The following DIAPH1 variants were observed in gnomAD, a reference collection of about 807,000 sequenced individuals.
DIAPH1 encodes the protein diaphanous related formin 1.
A neutral mutation model predicts 140.7 loss-of-function variants in DIAPH1; 46 were observed. The observed-to-expected ratio is 0.33, with a 90% CI of 0.26 to 0.42. DIAPH1 has a LOEUF of 0.42. Ranked by LOEUF, DIAPH1 falls within the 10% of genes least tolerant of loss-of-function variation. DIAPH1 has a pLI of 1.00. For missense variants in DIAPH1, 1,310 were observed against 1,558.7 expected (o/e 0.84, Z 2.69); for synonymous variants, 565 against 551.6 (o/e 1.02, Z -0.34).
Position 141,540,427 on chromosome 5 carries a change from C to T in DIAPH1, c.2483-5994G>A, listed in dbSNP as rs151204700. 7.6e-3 allele frequency among the ~76,000 whole-genome samples: 1,154 copies of T among 152,126 alleles called. 19 individuals carry two copies. Among genetic ancestry groups the T allele is most frequent in the African/African-American group, 0.026 (1,094 of 41,526 alleles). ...CCTCCCAAGTAGCTGGGACTACAGGCGCCTGCCACACGCCCAGCTAATTTT... is the reference window on the plus strand; with the variant it reads ...CCTCCCAAGTAGCTGGGACTACAGGTGCCTGCCACACGCCCAGCTAATTTT... On this transcript the variant is annotated intron_variant, in intron 18 of 27. Transcript: ENST00000389054.
At chr5:141,609,171 A>C (rs1214794094) in intron 1 of DIAPH1, among the ~76,000 whole-genome samples, 6 of 150,944 alleles carry the variant, frequency 4.0e-5, no homozygotes, top group Non-Finnish European at 5.9e-5. Context: ...CTAAATGCAA[A>C]AAAAAAAAAA....
In DIAPH1 at chr5:141,515,457, G is replaced by A. The variant is rs1265735270; in HGVS notation, c.*1394C>T. 6.6e-6 allele frequency: 1 copy of A among 152,260 alleles called. No individual in the cohort carries two copies. Among genetic ancestry groups the A allele is most frequent in the Non-Finnish European group, 1.5e-5 (1 of 68,084 alleles). 9.4% of individuals were successfully genotyped at this position (152,260 alleles called of 1,614,324 possible). A position where few individuals can be genotyped will look rare whatever the true frequency, so the allele number is the denominator to read the frequency against. On this transcript the variant is annotated 3_prime_UTR_variant, in exon 28 of 28. Coordinates refer to ENST00000389054, the MANE Select transcript of DIAPH1 (RefSeq NM_005219.5). Reference sequence around the variant, plus strand: ...CATTCTTTCTTCCTAGCTGGGGATGGAAAGCTGAGAGGGGCACAAGGAGGG... The same window carrying A: ...CATTCTTTCTTCCTAGCTGGGGATGAAAAGCTGAGAGGGGCACAAGGAGGG...
chr5:141,603,634 A>T (rs1463289782), intron 1 of DIAPH1, among the ~76,000 whole-genome samples: 2 of 152,230 alleles, frequency 1.3e-5, no homozygotes, highest in African/African-American at 4.8e-5. Flanking sequence ...TTGCTTATAA[A>T]TTTGAAATAA....
At chr5:141,569,784 A>T (rs890431429) in intron 18 of DIAPH1, among the ~76,000 whole-genome samples, 3 of 152,088 alleles carry the variant, frequency 2.0e-5, no homozygotes, top group African/African-American at 7.2e-5. Context: ...AAAATAAAAA[A>T]AATAAAAGTA....
intron 18 of DIAPH1, among the ~76,000 whole-genome samples, chr5:141,546,423 C>T (rs1412444234): frequency 1.8e-4 from 27 of 151,818 alleles, no homozygotes; most frequent in Admixed American, 1.6e-3. Flanking sequence ...TTTAGGAGGC[C>T]GAGGCAGGTG....
At position 141,596,867 on chromosome 5, in the gene DIAPH1, G is replaced by A. The variant is rs183066489; in HGVS notation, c.118-8617C>T. Among the ~76,000 whole-genome samples the A allele has an allele frequency of 3.0e-3, 463 of 152,256 alleles. 1 individual carries two copies. The highest frequency in any genetic ancestry group is 4.8e-3 in the Non-Finnish European group (326 of 68,018). On this transcript the variant is annotated intron_variant, in intron 1 of 27. Coordinates refer to ENST00000389054, the MANE Select transcript of DIAPH1 (RefSeq NM_005219.5). ...CCTAACATGAGAGAAAGCGGGGCTG[G>A]GGGAAGCAACTTGCCAAATAAACAG... is the stretch of plus-strand genomic sequence containing the variant.
chr5:141,541,466 T>C (rs1364301011), intron 18 of DIAPH1, among the ~76,000 whole-genome samples: 1 of 152,090 alleles, frequency 6.6e-6, no homozygotes, highest in Non-Finnish European at 1.5e-5. Flanking sequence ...GGCAGGTTGA[T>C]CACTTGAAGT....
chr5:141,574,929 G>A (rs767473825), intron 15 of DIAPH1, 38 bp downstream of exon 15: 20 of 1,612,098 alleles, frequency 1.2e-5, no homozygotes, highest in South Asian at 6.6e-5. Flanking sequence ...TGCATCCTGA[G>A]GTTACAGGTC....
At chr5:141,584,801 A>C (rs1446631015) in intron 3 of DIAPH1, among the ~76,000 whole-genome samples, 1 of 152,174 alleles carries the variant, frequency 6.6e-6, no homozygotes, top group African/African-American at 2.4e-5. Context: ...ATATATAACA[A>C]CCATGTGTCC....
In DIAPH1 at chr5:141,575,089, T is replaced by C; in HGVS notation, c.1519A>G (p.Ser507Gly). 1 of 1,614,254 alleles carries C rather than the reference T, an allele frequency of 6.2e-7. No individual in the cohort carries two copies. Among genetic ancestry groups the C allele is most frequent in the Non-Finnish European group, 8.5e-7 (1 of 1,180,042 alleles). ...ELQVEMKKMESDFEQKLQDLQ... is the reference protein window; with the variant it reads ...ELQVEMKKMEGDFEQKLQDLQ... The stretch of plus-strand genomic sequence containing the variant: ...TCTTGAAGCTTCTGCTCAAAGTCAC[T>C]TTCCATCTTTTTCATTTCCACCTGT... The change falls in exon 15 of 28, where the codon AGT (serine) becomes GGT (glycine). Residue 507 changes from serine (S) to glycine (G), a missense_variant. Physicochemically the swap from Ser to Gly is moderately conservative, Grantham distance 56. Transcript: ENST00000389054.
chr5:141,615,125 A>T (rs575161188), intron 1 of DIAPH1, among the ~76,000 whole-genome samples: 1 of 152,298 alleles, frequency 6.6e-6, no homozygotes, highest in African/African-American at 2.4e-5. Context: ...AATTTTAATA[A>T]TTTTAATAAT....
intron 18 of DIAPH1, among the ~76,000 whole-genome samples, chr5:141,546,466 C>T (rs981500383): frequency 6.6e-6 from 1 of 151,636 alleles, no homozygotes; most frequent in African/African-American, 2.4e-5. Context: ...GACCAGCCTG[C>T]CCAACGTGGT....
At chr5:141,541,373 T>C (rs564697252) in intron 18 of DIAPH1, among the ~76,000 whole-genome samples, 2 of 152,250 alleles carry the variant, frequency 1.3e-5, no homozygotes, top group South Asian at 4.1e-4. Flanking sequence ...CTCTCACTAC[T>C]CTCTAAATTA....
rs2099895517 is a variant in DIAPH1, at chr5:141,573,574, G to A, written c.2276C>T (p.Ala759Val). The A allele has an allele frequency of 5.0e-6, 8 of 1,614,066 alleles. No homozygotes were observed. The highest frequency in any genetic ancestry group is 6.8e-6 in the Non-Finnish European group (8 of 1,180,000). Residue 759 changes from alanine to valine, a missense_variant, in exon 16 of 28, where the codon GCA (alanine) becomes GTA (valine). By Grantham distance (64) the Ala-to-Val change is moderately conservative. Around this residue, in one of 3 missense-constraint regions of DIAPH1, gnomAD observed 589 missense variants for 549.3 expected, o/e 1.07. Transcript: ENST00000389054. ...PPPPFGFGVP[A>V]APVLPFGLTP... ...TAATCCAAATGGCAGAACTGGGGCT[G>A]CAGGAACTCCAAATCCAAATGGGGG...
At chr5:141,616,866 A>G (rs2099902769) in intron 1 of DIAPH1, among the ~76,000 whole-genome samples, 1 of 152,246 alleles carries the variant, frequency 6.6e-6, no homozygotes, top group Non-Finnish European at 1.5e-5. Flanking sequence ...TACAACCCTG[A>G]GCCAAATCCA....
chr5:141,540,615 C>T (rs1016253336), intron 18 of DIAPH1, among the ~76,000 whole-genome samples: 32 of 150,428 alleles, frequency 2.1e-4, no homozygotes, highest in Admixed American at 1.3e-3. Flanking sequence ...GGGGTTTCGC[C>T]ATGTTGGCCA....
chr5:141,575,387 A>G lies in DIAPH1; in HGVS notation c.1462-241T>C, dbSNP rs6879677. Among the ~76,000 whole-genome samples, 102,272 of 152,098 alleles carry G rather than the reference A, an allele frequency of 0.67. 35,514 individuals are homozygous for G. Among genetic ancestry groups the G allele is most frequent in the African/African-American group, 0.85 (35,150 of 41,528 alleles). On this transcript the variant is annotated intron_variant, in intron 14 of 27. Coordinates refer to ENST00000389054, the MANE Select transcript of DIAPH1 (RefSeq NM_005219.5). ...GGTTTGGCTGGGCGGAGTGGCTCACACCTGTAATCCCAGCACTTCGGGAGG... is the reference window on the plus strand; with the variant it reads ...GGTTTGGCTGGGCGGAGTGGCTCACGCCTGTAATCCCAGCACTTCGGGAGG...
At chr5:141,595,287 T>G (rs1162967991) in intron 1 of DIAPH1, among the ~76,000 whole-genome samples, 1 of 152,178 alleles carries the variant, frequency 6.6e-6, no homozygotes, top group East Asian at 1.9e-4. Context: ...TGTACAACAC[T>G]AAGAGTGAAC....
chr5:141,530,865 C>T (rs750185191), intron 19 of DIAPH1, among the ~76,000 whole-genome samples: 18 of 152,162 alleles, frequency 1.2e-4, no homozygotes, highest in Non-Finnish European at 2.4e-4. Flanking sequence ...CATATATTTA[C>T]GTCTAAGTAT....
Sources: allele counts gnomAD v4.1 joint callset (sites outside exome capture counted in the v4.1 genomes callset), GRCh38; gene constraint gnomAD v4.1.1; regional missense constraint gnomAD v4.1.1; transcripts MANE v1.5; gene names NCBI Gene and HGNC (gene_info 2026-07-23, HGNC 2026-07-21).